The following LAMP1 variants were observed in gnomAD, a reference collection of about 807,000 sequenced individuals.
The protein encoded by LAMP1 is lysosome-associated membrane glycoprotein 1.
A neutral mutation model predicts 37.5 loss-of-function variants in LAMP1; 7 were observed. The ratio of observed to expected loss-of-function variants is 0.19; its 90% CI spans 0.11 to 0.35. The LOEUF (loss-of-function observed/expected upper bound fraction) is 0.35. Ranked by LOEUF, LAMP1 falls within the 10% of genes least tolerant of loss-of-function variation. The probability of loss-of-function intolerance (pLI) is 1.00; values close to 1 mark genes in which losing one functional copy is unlikely to be tolerated. For missense variants in LAMP1, 537 were observed against 552.8 expected (o/e 0.97, Z 0.29); for synonymous variants, 236 against 229.1 (o/e 1.03, Z -0.27).
chr13:113,312,746 G>C (rs759919752), intron 4 of LAMP1, among the ~76,000 whole-genome samples: 1 of 152,224 alleles, frequency 6.6e-6, no homozygotes, highest in Non-Finnish European at 1.5e-5. Flanking sequence ...GCGGGCTAGA[G>C]TCCTCTCACA....
At position 113,321,246 on chromosome 13, in the gene LAMP1, G is replaced by T. The variant is rs1184331068; in HGVS notation, c.877-158G>T. 3 of 692,926 alleles carry T rather than the reference G, an allele frequency of 4.3e-6. No individual in the cohort carries two copies. The highest frequency in any genetic ancestry group is 7.6e-6 in the Non-Finnish European group (3 of 392,646). The allele number at this position is 692,926 out of a possible 1,614,324, so 42.9% of individuals were successfully genotyped here. A position where few individuals can be genotyped will look rare whatever the true frequency, so the allele number is the denominator to read the frequency against. On this transcript the variant is annotated intron_variant, in intron 6 of 8. Coordinates refer to ENST00000332556, the MANE Select transcript of LAMP1 (RefSeq NM_005561.4). This position sits in a 1 kb window ranked among gnomAD's most constrained non-coding sequence, Gnocchi z 5.6. Reference sequence around the variant, plus strand: ...GATACACAACGCCTTTTATAGACAAGATCTTTTGCAGTTTTGTTCTAATAC... The same window carrying T: ...GATACACAACGCCTTTTATAGACAATATCTTTTGCAGTTTTGTTCTAATAC...
chr13:113,319,632 C>A lies in LAMP1; in HGVS notation c.726C>A (p.Leu242=). 6.2e-7 allele frequency: 1 copy of A among 1,613,742 alleles called. No homozygotes were observed. Among genetic ancestry groups the A allele is most frequent in the Non-Finnish European group, 8.5e-7 (1 of 1,179,900 alleles). The change falls in exon 5 of 9, where the codon CTC becomes CTA. Residue 242 remains leucine, a synonymous_variant. Transcript: ENST00000332556. ...CCAGCATGGGGCTGCAGCTGAACCT[C>A]ACCTATGAGAGGAAGGACAACACGG... ...LLASMGLQLN[L]TYERKDNTTV...
Position 113,306,622 on chromosome 13 carries a change from G to A in LAMP1, c.183+16G>A, listed in dbSNP as rs562880112. ...TGGCCCTAAGGTAGGAAACACCAGG[G>A]CACTTCATGCTTCCCTTGTGTGTGT... On this transcript the variant is annotated intron_variant, in intron 2 of 8. Transcript: ENST00000332556. 5.6e-6 allele frequency: 9 copies of A among 1,608,254 alleles called. No homozygotes were observed. The East Asian group carries it at 1.1e-4, about 20-fold the overall frequency.
intron 4 of LAMP1, among the ~76,000 whole-genome samples, chr13:113,315,219 C>T (rs1352019525): frequency 2.0e-5 from 3 of 147,162 alleles, no homozygotes; most frequent in Non-Finnish European, 4.5e-5. Context: ...GTGCCTGGGG[C>T]GTGGCCTCCT....
In LAMP1 at chr13:113,321,836, C is replaced by T. The variant is rs1057434890; in HGVS notation, c.1114+109C>T. 9 of 1,062,462 alleles carry T rather than the reference C, an allele frequency of 8.5e-6. No homozygotes were observed. Among genetic ancestry groups the T allele is most frequent in the East Asian group, 2.4e-5 (1 of 41,060 alleles). The allele number at this position is 1,062,462 out of a possible 1,614,324, so 65.8% of individuals were successfully genotyped here. On this transcript the variant is annotated intron_variant, in intron 8 of 8. Coordinates refer to ENST00000332556, the MANE Select transcript of LAMP1 (RefSeq NM_005561.4). This position sits in a 1 kb window ranked among gnomAD's most constrained non-coding sequence, Gnocchi z 5.6. ...GGGCTGGGGCGACGCCCCTGTTCCT[C>T]TGCAAGGAGCTGTTTCTTCTTGCCG...
At chr13:113,310,412 G>C (rs993094914) in intron 3 of LAMP1, among the ~76,000 whole-genome samples, 6 of 151,918 alleles carry the variant, frequency 3.9e-5, no homozygotes, top group African/African-American at 1.5e-4. Context: ...TGTAGTCCCA[G>C]CTACTCAGGA....
intron 1 of LAMP1, among the ~76,000 whole-genome samples, chr13:113,301,854 ATTTCTTT>A (rs2042576163): frequency 9.2e-6 from 1 of 108,558 alleles, no homozygotes; most frequent in East Asian, 3.1e-4. Flanking sequence ...CTAAGATGTG[ATTTCTTT>A]TTTTTTTTTT....
chr13:113,310,948 G>A, intron 4 of LAMP1, 81 bp downstream of exon 4: 2 of 1,197,288 alleles, frequency 1.7e-6, no homozygotes, highest in Admixed American at 4.1e-5. Flanking sequence ...TCACTGCTCT[G>A]TGTCCTGGTG....
Position 113,313,243 on chromosome 13 carries a change from A to G in LAMP1, c.562+2376A>G, listed in dbSNP as rs139556946. On this transcript the variant is annotated intron_variant, in intron 4 of 8. Transcript: ENST00000332556. ...TGAGACGGGTGGCAGGATTCTCTAG[A>G]TGAAAAATAAGGCTTCACAGGTCCA... Among the ~76,000 whole-genome samples the G allele has an allele frequency of 5.9e-3, 893 of 152,314 alleles. 6 individuals carry two copies. The highest frequency in any genetic ancestry group is 0.016 in the South Asian group (78 of 4,834).
intron 4 of LAMP1, 34 bp downstream of exon 4, chr13:113,310,901 TG>T (rs1460471777): frequency 1.9e-6 from 3 of 1,593,686 alleles, no homozygotes; most frequent in Non-Finnish European, 2.6e-6. Flanking sequence ...CTGGTGCTAG[TG>T]GTTGGGTAGC....
In LAMP1 at chr13:113,321,509, G is replaced by T; in HGVS notation, c.943+39G>T. 1 of 1,593,606 alleles carries T rather than the reference G, an allele frequency of 6.3e-7. No homozygotes were observed. The highest frequency in any genetic ancestry group is 8.6e-7 in the Non-Finnish European group (1 of 1,163,884). ...ATCTCTGCGAGCCCCGCCCCCGCCC[G>T]CGCGCCCAGGGTATTCTGGAGCCAC... On this transcript the variant is annotated intron_variant, in intron 7 of 8. Transcript: ENST00000332556. The surrounding 1 kb of genome is among the most constrained non-coding windows in gnomAD (Gnocchi z 5.6).
rs2042708020 is a variant in LAMP1, at chr13:113,322,480, G to A, written c.*59G>A. 1.3e-6 allele frequency: 2 copies of A among 1,520,362 alleles called. No individual in the cohort carries two copies. The highest frequency in any genetic ancestry group is 1.8e-6 in the Non-Finnish European group (2 of 1,127,086). The allele number at this position is 1,520,362 out of a possible 1,614,324, so 94.2% of individuals were successfully genotyped here. A position where few individuals can be genotyped will look rare whatever the true frequency, so the allele number is the denominator to read the frequency against. On this transcript the variant is annotated 3_prime_UTR_variant, in exon 9 of 9. Coordinates refer to ENST00000332556, the MANE Select transcript of LAMP1 (RefSeq NM_005561.4). ...CTCTGTTCCTTTCTCTGGGCTTAGG[G>A]TCCTGTCGAAGGGGAGGCACACTTT... is the stretch of plus-strand genomic sequence containing the variant.
chr13:113,307,636 TG>T (rs1227483656), intron 2 of LAMP1, among the ~76,000 whole-genome samples: 6 of 152,106 alleles, frequency 3.9e-5, no homozygotes, highest in Admixed American at 2.0e-4. Flanking sequence ...TGTATATAAA[TG>T]GTTGGTTGAC....
chr13:113,314,327 C>T (rs1374122120), intron 4 of LAMP1, among the ~76,000 whole-genome samples: 55 of 91,054 alleles, frequency 6.0e-4, no homozygotes, highest in East Asian at 1.2e-3. Context: ...CTGGAGGGAG[C>T]CAGTGCGGAG....
intron 3 of LAMP1, 89 bp downstream of exon 3, chr13:113,309,951 G>A: frequency 1.9e-6 from 2 of 1,041,720 alleles, no homozygotes; most frequent in Non-Finnish European, 2.9e-6. Context: ...AGTACAGGCT[G>A]GGTGTGGTGG....
rs1196268009 is a variant in LAMP1 at position 113,297,597 on chromosome 13, G to A, written c.61+102G>A. 6.4e-6 allele frequency: 7 copies of A among 1,099,782 alleles called. No homozygotes were observed. The East Asian group carries it at 1.1e-4, about 17-fold the overall frequency. 68.1% of individuals were successfully genotyped at this position (1,099,782 alleles called of 1,614,324 possible). A position where few individuals can be genotyped will look rare whatever the true frequency, so the allele number is the denominator to read the frequency against. ...CTGCCGGGTCGTTGTCCCGCGGGTCGCCCCGCACCCACTGCTCCTGGTCCC... is the reference window on the plus strand; with the variant it reads ...CTGCCGGGTCGTTGTCCCGCGGGTCACCCCGCACCCACTGCTCCTGGTCCC... On this transcript the variant is annotated intron_variant, in intron 1 of 8. Coordinates refer to ENST00000332556, the MANE Select transcript of LAMP1 (RefSeq NM_005561.4). This position sits in a 1 kb window ranked among gnomAD's most constrained non-coding sequence, Gnocchi z 4.4.
rs1409684980 is a variant in LAMP1 at position 113,320,044 on chromosome 13, G to A, written c.751-301G>A. Among the ~76,000 whole-genome samples the A allele has an allele frequency of 1.3e-5, 2 of 152,204 alleles. No individual in the cohort carries two copies. Among genetic ancestry groups the A allele is most frequent in the African/African-American group, 4.8e-5 (2 of 41,450 alleles). On this transcript the variant is annotated intron_variant, in intron 5 of 8. Coordinates refer to ENST00000332556, the MANE Select transcript of LAMP1 (RefSeq NM_005561.4). The surrounding 1 kb of genome is among the most constrained non-coding windows in gnomAD (Gnocchi z 4.4). Reference sequence around the variant, plus strand: ...CTCCCCTAGTAGTGACAGGCTGTGGGGTTGTGGGGGTCGACTTGCGTGCCG... The same window carrying A: ...CTCCCCTAGTAGTGACAGGCTGTGGAGTTGTGGGGGTCGACTTGCGTGCCG...
chr13:113,321,875 G>C lies in LAMP1; in HGVS notation c.1114+148G>C. ...TTCTTCTTGCCGGTCTGAGATTCTA[G>C]AGGTAACTCCCCCTGCTTTAGAGAG... is the stretch of plus-strand genomic sequence containing the variant. On this transcript the variant is annotated intron_variant, in intron 8 of 8. Transcript: ENST00000332556. The surrounding 1 kb of genome is among the most constrained non-coding windows in gnomAD (Gnocchi z 5.6). 1 of 766,848 alleles carries C rather than the reference G, an allele frequency of 1.3e-6. No individual in the cohort carries two copies. The highest frequency in any genetic ancestry group is 2.7e-5 in the East Asian group (1 of 37,486). The allele number at this position is 766,848 out of a possible 1,614,324, so 47.5% of individuals were successfully genotyped here.
chr13:113,313,834 C>T (rs1224690688), intron 4 of LAMP1, among the ~76,000 whole-genome samples: 3 of 130,354 alleles, frequency 2.3e-5, no homozygotes, highest in African/African-American at 1.0e-4. Flanking sequence ...GGGGCGTGGC[C>T]TCCTGGAGGG....
Sources: allele counts gnomAD v4.1 joint callset (sites outside exome capture counted in the v4.1 genomes callset), GRCh38; gene constraint gnomAD v4.1.1; non-coding constraint Gnocchi (gnomAD v3.1); transcripts MANE v1.5; gene names NCBI Gene and HGNC (gene_info 2026-07-23, HGNC 2026-07-21).